Variants in SLA observed in about 807,000 individuals in gnomAD.
SLA encodes Src like adaptor.
SLA carries 16 observed loss-of-function variants against 30.3 expected under a neutral mutation model. The ratio of observed to expected loss-of-function variants is 0.53; its 90% confidence interval spans 0.36 to 0.80. SLA has a LOEUF of 0.80. Among genes scored for constraint, SLA ranks in the 30% least tolerant of loss-of-function variants. The pLI is 0.01. For synonymous variants in SLA, 143 were observed against 137.8 expected (o/e 1.04, Z -0.26); for missense variants, 310 against 345.2 (o/e 0.90, Z 0.81).
At chr8:133,095,131 C>T in intron 1 of SLA, 1 of 1,614,194 alleles carries the variant, frequency 6.2e-7, no homozygotes, top group Non-Finnish European at 8.5e-7. Context: ...GGTCAGTTGC[C>T]CCATGTCATC....
chr8:133,055,349 ACACACACGCACGCGCG>A (rs1383199212), intron 3 of SLA, among the ~76,000 whole-genome samples: 35 of 80,600 alleles, frequency 4.3e-4, no homozygotes, highest in African/African-American at 1.6e-3. Flanking sequence ...TCTTCAGGAC[ACACACACGCACGCGCG>A]CACACACACA....
At chr8:133,068,818 G>T (rs895825666) in intron 2 of SLA, among the ~76,000 whole-genome samples, 3 of 152,246 alleles carry the variant, frequency 2.0e-5, no homozygotes, top group Non-Finnish European at 4.4e-5. Context: ...TAGACTTTCT[G>T]TACACAGAGG....
intron 1 of SLA, among the ~76,000 whole-genome samples, chr8:133,101,025 T>G (rs1457801653): frequency 6.6e-6 from 1 of 152,028 alleles, no homozygotes; most frequent in Non-Finnish European, 1.5e-5. Context: ...AGCTAACTAG[T>G]CCTTTGGAAA....
At chr8:133,063,741 C>CA in intron 2 of SLA, 1 of 152,184 alleles carries the variant, frequency 6.6e-6, no homozygotes, top group Admixed American at 6.5e-5. Context: ...ATATGACCAC[C>CA]AAAAAAACCA....
intron 1 of SLA, chr8:133,094,756 T>A (rs1848155575): frequency 2.1e-6 from 1 of 487,060 alleles, no homozygotes. Flanking sequence ...CCTTTGCCTC[T>A]ATATACAAAT....
chr8:133,102,528 A>G, intron 1 of SLA, 25 bp downstream of exon 1: 21 of 1,551,158 alleles, frequency 1.4e-5, no homozygotes, highest in Non-Finnish European at 1.8e-5. Context: ...AGGGGGTCCC[A>G]ATGACAGCAA....
chr8:133,062,954 C>A (rs1225190487), intron 2 of SLA, among the ~76,000 whole-genome samples: 1 of 152,228 alleles, frequency 6.6e-6, no homozygotes, highest in African/African-American at 2.4e-5. Flanking sequence ...CCTGCACATG[C>A]CTGCCTCTGT....
chr8:133,093,850 G>A (rs1847973985), intron 1 of SLA, among the ~76,000 whole-genome samples: 1 of 152,220 alleles, frequency 6.6e-6, no homozygotes, highest in African/African-American at 2.4e-5. Flanking sequence ...TGTTACATGG[G>A]ACAGTAAGAG....
intron 1 of SLA, among the ~76,000 whole-genome samples, chr8:133,087,383 C>T (rs1846761299): frequency 1.3e-5 from 2 of 152,134 alleles, no homozygotes; most frequent in Admixed American, 6.5e-5. Context: ...GTGAAGACAG[C>T]AAGGCTTATT....
rs2702983 is a variant in SLA at position 133,083,369 on chromosome 8, T to C, written c.-318-8239A>G. 8.1e-3 allele frequency among the ~76,000 whole-genome samples: 1,229 copies of C among 152,374 alleles called. 17 individuals carry two copies. Among genetic ancestry groups the C allele is most frequent in the South Asian group, 0.044 (211 of 4,834 alleles). On this transcript the variant is annotated intron_variant, in intron 1 of 8. Transcript: ENST00000338087. ...ACTTGAAACATGTATGCACTTTACA[T>C]GTTATCTCATCAATTCATCTTAACA...
Position 133,092,932 on chromosome 8 carries a change from G to T in SLA, c.-319+9621C>A, listed in dbSNP as rs149519394. 8.2e-4 allele frequency among the ~76,000 whole-genome samples: 125 copies of T among 152,244 alleles called. 1 individual carries two copies. Among genetic ancestry groups the T allele is most frequent in the Non-Finnish European group, 1.5e-3 (104 of 68,004 alleles). Reference sequence around the variant, plus strand: ...ATCTTGCAATATCAGTGTGACCCACGCCTTTAACCACTTCCTCACCATATC... The same window carrying T: ...ATCTTGCAATATCAGTGTGACCCACTCCTTTAACCACTTCCTCACCATATC... On this transcript the variant is annotated intron_variant, in intron 1 of 8. Transcript: ENST00000338087.
intron 1 of SLA, among the ~76,000 whole-genome samples, chr8:133,085,499 A>G (rs535492670): frequency 1.3e-5 from 2 of 152,338 alleles, no homozygotes; most frequent in Admixed American, 1.3e-4. Flanking sequence ...AACACTTACA[A>G]CTCAGTAACA....
chr8:133,070,858 G>T (rs1052443467), intron 2 of SLA, among the ~76,000 whole-genome samples: 13 of 152,240 alleles, frequency 8.5e-5, no homozygotes, highest in Admixed American at 5.2e-4. Flanking sequence ...CTTCTCTCTG[G>T]ACAGTAGTTG....
At chr8:133,094,999 G>A in intron 1 of SLA, 1 of 1,611,960 alleles carries the variant, frequency 6.2e-7, no homozygotes, top group Non-Finnish European at 8.5e-7. Flanking sequence ...AGCAGGGGCT[G>A]AAGATGATCT....
rs769558151 is a variant in SLA at position 133,070,015 on chromosome 8, AAAAAAAAAAAAG to A, written c.-41+4826_-41+4837del. The stretch of plus-strand genomic sequence containing the variant: ...GGCTCCAGCTCCAAAAAAAAAAAAA[AAAAAAAAAAAAG>A]AAAGAAAGAAAGAAAAGAAAAGAAG... On this transcript the variant is annotated intron_variant, in intron 2 of 8. Transcript: ENST00000338087. 5.5e-3 allele frequency among the ~76,000 whole-genome samples: 530 copies of A among 96,580 alleles called. 19 individuals carry two copies. Among genetic ancestry groups the A allele is most frequent in the Non-Finnish European group, 7.0e-3 (270 of 38,350 alleles). 63.4% of individuals were successfully genotyped at this position (96,580 alleles called of 152,430 possible).
intron 3 of SLA, among the ~76,000 whole-genome samples, chr8:133,055,948 C>T (rs1340672261): frequency 6.6e-6 from 1 of 152,082 alleles, no homozygotes; most frequent in Non-Finnish European, 1.5e-5. Context: ...TCACGCCTCC[C>T]TGTGAGGTTG....
At chr8:133,063,303 C>T (rs1034759020) in intron 2 of SLA, among the ~76,000 whole-genome samples, 6 of 151,940 alleles carry the variant, frequency 3.9e-5, no homozygotes, top group East Asian at 1.9e-4. Flanking sequence ...CATCCCCTCC[C>T]CCAAGCTGCT....
intron 2 of SLA, among the ~76,000 whole-genome samples, chr8:133,070,258 G>A (rs957185342): frequency 6.6e-6 from 1 of 151,954 alleles, no homozygotes; most frequent in African/African-American, 2.4e-5. Context: ...TGTGTGGAGC[G>A]GTCTCATAAG....
At chr8:133,076,349 G>C (rs905385951) in intron 1 of SLA, among the ~76,000 whole-genome samples, 1 of 152,222 alleles carries the variant, frequency 6.6e-6, no homozygotes, top group Non-Finnish European at 1.5e-5. Flanking sequence ...ACCTCACTTG[G>C]GGTAGTTTGC....
Sources: allele counts gnomAD v4.1 joint callset (sites outside exome capture counted in the v4.1 genomes callset), GRCh38; gene constraint gnomAD v4.1.1; transcripts MANE v1.5; gene names NCBI Gene and HGNC (gene_info 2026-07-23, HGNC 2026-07-21).